The following CATSPERT variants were observed in gnomAD, a reference collection of about 807,000 sequenced individuals.
CATSPERT encodes the protein catsper channel auxiliary subunit tau, also known as cation channel sperm-associated targeting subunit tau.
the CATSPERT span, among the ~76,000 whole-genome samples, chr2:201,563,057 G>A: frequency 6.6e-6 from 1 of 150,788 alleles, no homozygotes; most frequent in Non-Finnish European, 1.5e-5. Context: ...GGTGGTGGCC[G>A]GGCAGAGGGG....
chr2:201,544,961 C>T, the CATSPERT span, among the ~76,000 whole-genome samples: 6 of 151,816 alleles, frequency 4.0e-5, no homozygotes, highest in Admixed American at 6.6e-5. Flanking sequence ...TGTGCAACTG[C>T]ACTCCAGCCT....
At chr2:201,615,098 A>T in the CATSPERT span, among the ~76,000 whole-genome samples, 27 of 152,294 alleles carry the variant, frequency 1.8e-4, no homozygotes, top group African/African-American at 6.5e-4. Flanking sequence ...CTCCCACACA[A>T]TAATAATGGG....
the CATSPERT span, among the ~76,000 whole-genome samples, chr2:201,618,596 T>A: frequency 6.6e-6 from 1 of 150,768 alleles, no homozygotes; most frequent in Admixed American, 6.6e-5. Context: ...CATTAGGAGA[T>A]ATACCTAATG....
At chr2:201,563,410 C>T in the CATSPERT span, among the ~76,000 whole-genome samples, 1 of 102,526 alleles carries the variant, frequency 9.8e-6, no homozygotes, top group Non-Finnish European at 2.1e-5. Context: ...GCTGGCCGGG[C>T]GGGGGGCTGA....
At chr2:201,561,670 G>A in the CATSPERT span, among the ~76,000 whole-genome samples, 1 of 152,068 alleles carries the variant, frequency 6.6e-6, no homozygotes, top group African/African-American at 2.4e-5. Flanking sequence ...TCAGAAGTTC[G>A]AGACCAGCCT....
chr2:201,592,873 T>A, the CATSPERT span, among the ~76,000 whole-genome samples: 1 of 152,192 alleles, frequency 6.6e-6, no homozygotes, highest in East Asian at 1.9e-4. Context: ...CTTCTCTCTT[T>A]TTTTCTTTAT....
At chr2:201,553,402 G>C in the CATSPERT span, 1 of 152,088 alleles carries the variant, frequency 6.6e-6, no homozygotes, top group South Asian at 2.1e-4. Context: ...CATCTGTGAT[G>C]GTGTAAATGA....
chr2:201,536,236 T>C, the CATSPERT span: 1 of 1,613,426 alleles, frequency 6.2e-7, no homozygotes, highest in Non-Finnish European at 8.5e-7. Context: ...TCATCATTTT[T>C]AGAAGCATCA....
At chr2:201,492,830 T>A in the CATSPERT span, 1 of 1,536,630 alleles carries the variant, frequency 6.5e-7, no homozygotes. Context: ...TCCTCCTTGG[T>A]GATATGTCCT....
At chr2:201,494,741 T>C in the CATSPERT span, 1 of 1,502,432 alleles carries the variant, frequency 6.7e-7, no homozygotes, top group East Asian at 2.5e-5. Flanking sequence ...TCAAAACCGT[T>C]CTTGTTGAAT....
chr2:201,581,550 A>G, the CATSPERT span, among the ~76,000 whole-genome samples: 226 of 5,708 alleles, frequency 0.04, 4 homozygotes, highest in African/African-American at 0.067. Flanking sequence ...AAATGTGTGT[A>G]TATATATATA....
chr2:201,490,838 C>T, the CATSPERT span, among the ~76,000 whole-genome samples: 1 of 152,190 alleles, frequency 6.6e-6, no homozygotes, highest in Admixed American at 6.5e-5. Context: ...ATTCTCCTGC[C>T]TCAGCCTCCC....
At chr2:201,545,639 AAAAAAAAAAAAAAAG>A in the CATSPERT span, 10 of 839,356 alleles carry the variant, frequency 1.2e-5, no homozygotes, top group African/African-American at 1.1e-4. Context: ...CAAAAAAAAA[AAAAAAAAAAAAAAAG>A]AAAAAAAAAT....
At chr2:201,614,699 A>G in the CATSPERT span, among the ~76,000 whole-genome samples, 1 of 152,236 alleles carries the variant, frequency 6.6e-6, no homozygotes, top group Non-Finnish European at 1.5e-5. Flanking sequence ...GATCAAATTC[A>G]CACATAACAA....
At chr2:201,540,027 C>T in the CATSPERT span, among the ~76,000 whole-genome samples, 4 of 152,224 alleles carry the variant, frequency 2.6e-5, no homozygotes, top group South Asian at 8.3e-4. Context: ...TTTTAATAAT[C>T]TGGACAGAAG....
chr2:201,496,431 C>T, the CATSPERT span, among the ~76,000 whole-genome samples: 1 of 152,188 alleles, frequency 6.6e-6, no homozygotes, highest in Non-Finnish European at 1.5e-5. Context: ...CAACCTCTGC[C>T]TCCTGGGTTC....
chr2:201,517,044 A>C, the CATSPERT span, among the ~76,000 whole-genome samples: 1 of 151,024 alleles, frequency 6.6e-6, no homozygotes, highest in Non-Finnish European at 1.5e-5. Flanking sequence ...TTTCTGGCAC[A>C]TGCTGCTATA....
At chr2:201,533,154 C>G in the CATSPERT span, among the ~76,000 whole-genome samples, 3 of 152,098 alleles carry the variant, frequency 2.0e-5, no homozygotes, top group Non-Finnish European at 2.9e-5. Flanking sequence ...ATTTGATACA[C>G]AGGAAGCCCA....
At chr2:201,607,497 AG>A in the CATSPERT span, among the ~76,000 whole-genome samples, 1 of 152,122 alleles carries the variant, frequency 6.6e-6, no homozygotes, top group Non-Finnish European at 1.5e-5. Context: ...TCTCTACAAA[AG>A]ATAAAAGTAA....
Sources: gnomAD v4.1 joint callset for allele counts (sites outside exome capture counted in the v4.1 genomes callset) on GRCh38, gnomAD v4.1.1 for gene constraint, MANE v1.5 for transcripts, NCBI Gene and HGNC (gene_info 2026-07-23, HGNC 2026-07-21) for gene names.